NTM: variants seen among roughly 807,000 people sequenced by gnomAD.
NTM encodes neurotrimin.
In NTM, 13 loss-of-function variants were observed where a neutral mutation model predicts 42.1. The observed-to-expected ratio is 0.31, with a 90% CI of 0.20 to 0.49. The LOEUF is 0.49. Ranked by LOEUF, NTM falls within the 20% of genes least tolerant of loss-of-function variation. The pLI, the probability that NTM is intolerant of heterozygous loss-of-function variation, is 0.99. For synonymous variants in NTM, 187 were observed against 179.2 expected (o/e 1.04, Z -0.35); for missense variants, 373 against 452.8 (o/e 0.82, Z 1.60).
intron 2 of NTM, among the ~76,000 whole-genome samples, chr11:131,961,599 C>G (rs1353633478): frequency 1.3e-5 from 2 of 152,092 alleles, no homozygotes; most frequent in Non-Finnish European, 2.9e-5. Context: ...TCTGGAAGGC[C>G]TAGCACATGA....
intron 2 of NTM, among the ~76,000 whole-genome samples, chr11:132,059,439 G>T (rs561875527): frequency 2.0e-5 from 3 of 152,290 alleles, no homozygotes; most frequent in Admixed American, 1.3e-4. Context: ...TAGAGAGCAG[G>T]GCGAGGCCTT....
At chr11:131,734,567 G>A (rs2080167523) in intron 1 of NTM, among the ~76,000 whole-genome samples, 1 of 152,144 alleles carries the variant, frequency 6.6e-6, no homozygotes. Context: ...GCAGGACGCA[G>A]TCAAGAATGC....
chr11:131,744,163 C>A (rs563267823), intron 1 of NTM, among the ~76,000 whole-genome samples: 74 of 152,162 alleles, frequency 4.9e-4, no homozygotes, highest in African/African-American at 1.7e-3. Context: ...GTAATTATTC[C>A]TAATTTTAAG....
chr11:132,080,232 C>G (rs1043129920), intron 2 of NTM, among the ~76,000 whole-genome samples: 4 of 152,166 alleles, frequency 2.6e-5, no homozygotes, highest in Non-Finnish European at 4.4e-5. Flanking sequence ...ATTGAGTAAG[C>G]AACTGAAAGT....
At chr11:131,481,263 G>A (rs931563336) in intron 1 of NTM, among the ~76,000 whole-genome samples, 4 of 152,120 alleles carry the variant, frequency 2.6e-5, no homozygotes, top group African/African-American at 7.2e-5. Context: ...CAAAGATATC[G>A]AACGCACTTG....
intron 1 of NTM, among the ~76,000 whole-genome samples, chr11:131,540,165 T>G (rs1385365189): frequency 1.6e-5 from 2 of 125,666 alleles, no homozygotes; most frequent in East Asian, 2.2e-4. Context: ...TTTTTTTTTT[T>G]TTTTTTTTTT....
chr11:131,761,138 C>T (rs913295064), intron 1 of NTM, among the ~76,000 whole-genome samples: 1 of 152,040 alleles, frequency 6.6e-6, no homozygotes, highest in Admixed American at 6.5e-5. Context: ...TCAGAGACGC[C>T]GTGAAAGTGG....
At chr11:131,910,748 CCCG>C (rs2054707775) in intron 1 of NTM, 1 of 817,552 alleles carries the variant, frequency 1.2e-6, no homozygotes, top group Non-Finnish European at 1.5e-6. Flanking sequence ...GCGGTCCGCT[CCCG>C]CCGCCCGGCC....
intron 1 of NTM, among the ~76,000 whole-genome samples, chr11:131,372,232 G>T (rs1941310875): frequency 6.6e-6 from 1 of 152,158 alleles, no homozygotes; most frequent in Non-Finnish European, 1.5e-5. Context: ...AAGGGGTGGG[G>T]ACAGGAGGGA....
intron 4 of NTM, among the ~76,000 whole-genome samples, chr11:132,297,717 C>T (rs143309415): frequency 6.6e-6 from 1 of 152,042 alleles, no homozygotes. Context: ...TTTTTCTTGG[C>T]AGACATGTGA....
intron 1 of NTM, among the ~76,000 whole-genome samples, chr11:131,451,226 C>T (rs1012880772): frequency 4.6e-5 from 7 of 152,088 alleles, no homozygotes; most frequent in Admixed American, 6.5e-5. Flanking sequence ...CAAGTGGGAC[C>T]GTGAGCAGCA....
chr11:132,318,685 C>CA (rs775888844), intron 7 of NTM, among the ~76,000 whole-genome samples: 6 of 152,202 alleles, frequency 3.9e-5, no homozygotes, highest in Non-Finnish European at 7.3e-5. Flanking sequence ...GTGCTGACCA[C>CA]AGCAGTAGCC....
At chr11:132,036,085 A>T (rs893017080) in intron 2 of NTM, among the ~76,000 whole-genome samples, 1 of 152,112 alleles carries the variant, frequency 6.6e-6, no homozygotes, top group Admixed American at 6.6e-5. Flanking sequence ...GACACCAGTG[A>T]TCTCTTATCC....
intron 1 of NTM, among the ~76,000 whole-genome samples, chr11:131,604,185 C>T (rs1046163553): frequency 3.9e-5 from 6 of 152,140 alleles, no homozygotes; most frequent in South Asian, 2.1e-4. Flanking sequence ...CTCCTCAATC[C>T]TTGTTATGAT....
At chr11:132,310,319 G>A (rs777338292) in intron 6 of NTM, 87 bp downstream of exon 6, 144 of 1,367,340 alleles carry the variant, frequency 1.1e-4, no homozygotes, top group Non-Finnish European at 1.3e-4. Context: ...TGTTGCAAAC[G>A]AGTTCTATAA....
intron 1 of NTM, among the ~76,000 whole-genome samples, chr11:131,788,974 C>A (rs2136081657): frequency 6.6e-6 from 1 of 152,258 alleles, no homozygotes; most frequent in Non-Finnish European, 1.5e-5. Flanking sequence ...TGGCTCATTA[C>A]CCGTTTGCTG....
intron 1 of NTM, among the ~76,000 whole-genome samples, chr11:131,407,582 G>C (rs1565471104): frequency 1.3e-5 from 2 of 152,336 alleles, no homozygotes; most frequent in South Asian, 4.1e-4. Context: ...CAGAAAGGCT[G>C]AAAGTGGGGA....
chr11:132,246,119 A>G (rs1792677950), intron 4 of NTM, among the ~76,000 whole-genome samples: 1 of 152,176 alleles, frequency 6.6e-6, no homozygotes, highest in Non-Finnish European at 1.5e-5. Context: ...CACTGAGCGG[A>G]ACTGGCTGTG....
intron 1 of NTM, among the ~76,000 whole-genome samples, chr11:131,786,435 C>T (rs1184218778): frequency 2.0e-5 from 3 of 152,148 alleles, no homozygotes; most frequent in African/African-American, 4.8e-5. Flanking sequence ...TGCAGAGATG[C>T]TCAAGTTCAC....
Sources: gnomAD v4.1 joint callset for allele counts (sites outside exome capture counted in the v4.1 genomes callset) on GRCh38, gnomAD v4.1.1 for gene constraint, MANE v1.5 for transcripts, NCBI Gene and HGNC (gene_info 2026-07-23, HGNC 2026-07-21) for gene names.